The following GRM3 variants were observed in gnomAD, a reference collection of about 807,000 sequenced individuals.
GRM3 encodes glutamate metabotropic receptor 3.
In GRM3, 26 loss-of-function variants were observed where a neutral mutation model predicts 70.5. The ratio of observed to expected loss-of-function variants is 0.37; its 90% CI spans 0.27 to 0.51. The LOEUF is 0.51. GRM3 is among the 20% of genes least tolerant of loss of function. The pLI is 0.93. For synonymous variants in GRM3, 443 were observed against 434.9 expected (o/e 1.02, Z -0.23); for missense variants, 859 against 1,123.8 (o/e 0.76, Z 3.37).
chr7:86,810,384 G>C (rs1316662001), intron 3 of GRM3, among the ~76,000 whole-genome samples: 1 of 151,908 alleles, frequency 6.6e-6, no homozygotes, highest in East Asian at 1.9e-4. Flanking sequence ...CATTCTGCTA[G>C]AAATTCATGA....
chr7:86,652,042 T>C (rs940538152), intron 1 of GRM3, among the ~76,000 whole-genome samples: 2 of 152,186 alleles, frequency 1.3e-5, no homozygotes, highest in Non-Finnish European at 2.9e-5. Flanking sequence ...GTAGGTAGAA[T>C]GAACAATTAA....
chr7:86,716,208 T>C (rs996894007), intron 1 of GRM3, among the ~76,000 whole-genome samples: 3 of 151,906 alleles, frequency 2.0e-5, no homozygotes, highest in African/African-American at 7.2e-5. Flanking sequence ...GTCATCACAC[T>C]TGACCTTCTT....
chr7:86,723,855 T>C (rs1434984006), intron 1 of GRM3, among the ~76,000 whole-genome samples: 3 of 152,186 alleles, frequency 2.0e-5, no homozygotes, highest in African/African-American at 7.2e-5. Flanking sequence ...TACCAAGCTG[T>C]AGTAGTTTGT....
intron 4 of GRM3, among the ~76,000 whole-genome samples, chr7:86,849,810 G>A (rs1439739045): frequency 6.6e-6 from 1 of 152,058 alleles, no homozygotes; most frequent in African/African-American, 2.4e-5. Flanking sequence ...ATGCCAATAA[G>A]CAAAAGCAAA....
intron 3 of GRM3, among the ~76,000 whole-genome samples, chr7:86,821,198 A>G (rs191927302): frequency 6.6e-6 from 1 of 152,130 alleles, no homozygotes; most frequent in East Asian, 1.9e-4. Flanking sequence ...AAAGAGAAAG[A>G]TTATGTCATA....
chr7:86,861,214 T>A (rs959624790), intron 5 of GRM3, among the ~76,000 whole-genome samples: 1 of 152,232 alleles, frequency 6.6e-6, no homozygotes, highest in East Asian at 1.9e-4. Flanking sequence ...ATAGGCTTCA[T>A]GTTTGCTGGT....
chr7:86,798,762 C>A (rs1034873080), intron 3 of GRM3, among the ~76,000 whole-genome samples: 4 of 152,216 alleles, frequency 2.6e-5, no homozygotes, highest in Admixed American at 6.5e-5. Context: ...GCTGTGTTCT[C>A]ACCCAAATCT....
Position 86,644,441 on chromosome 7 carries a change from C to T in GRM3, c.-572C>T, listed in dbSNP as rs1793402519. On this transcript the variant is annotated 5_prime_UTR_variant, in exon 1 of 6. Coordinates refer to ENST00000361669, the MANE Select transcript of GRM3 (RefSeq NM_000840.3). ...TCAAGGTGAAGGAAAGTTGCTTCCG[C>T]GCCTAGGAAGTGGGTTTGCCTGATA... The T allele has an allele frequency of 6.0e-6, 2 of 335,520 alleles. No homozygotes were observed. Among genetic ancestry groups the T allele is most frequent in the Non-Finnish European group, 1.2e-5 (2 of 171,252 alleles). The allele number at this position is 335,520 out of a possible 1,614,324, so 20.8% of individuals were successfully genotyped here.
intron 1 of GRM3, among the ~76,000 whole-genome samples, chr7:86,746,553 A>G (rs1796110835): frequency 6.6e-6 from 1 of 151,402 alleles, no homozygotes; most frequent in Non-Finnish European, 1.5e-5. Context: ...TTATTCTACA[A>G]ATCAAAAAAC....
At chr7:86,797,083 G>A (rs1162956711) in intron 3 of GRM3, among the ~76,000 whole-genome samples, 1 of 152,120 alleles carries the variant, frequency 6.6e-6, no homozygotes, top group Non-Finnish European at 1.5e-5. Flanking sequence ...CCCAGTCTCA[G>A]GTATGTCTTT....
At chr7:86,690,997 A>G (rs1033905813) in intron 1 of GRM3, among the ~76,000 whole-genome samples, 1 of 152,170 alleles carries the variant, frequency 6.6e-6, no homozygotes, top group African/African-American at 2.4e-5. Context: ...TAAAATTAAC[A>G]TAGCCAAAAC....
At chr7:86,722,842 T>C (rs1795503994) in intron 1 of GRM3, among the ~76,000 whole-genome samples, 1 of 152,164 alleles carries the variant, frequency 6.6e-6, no homozygotes, top group Non-Finnish European at 1.5e-5. Context: ...ATTCCATCTA[T>C]TCGGTCCTTT....
rs181484665 is a variant in GRM3 at position 86,712,624 on chromosome 7, C to T, written c.-140-52382C>T. Among the ~76,000 whole-genome samples, 416 of 152,108 alleles carry T rather than the reference C, an allele frequency of 2.7e-3. 2 individuals carry two copies. The highest frequency in any genetic ancestry group is 0.017 in the Middle Eastern group (5 of 294). ...GTACATTTGTATCCATCATCAACCT[C>T]TCTGCATGGCCTTACCCCTCTACTC... On this transcript the variant is annotated intron_variant, in intron 1 of 5. Coordinates refer to ENST00000361669, the MANE Select transcript of GRM3 (RefSeq NM_000840.3).
intron 1 of GRM3, among the ~76,000 whole-genome samples, chr7:86,729,722 GA>G (rs530126183): frequency 1.1e-4 from 16 of 152,198 alleles, no homozygotes; most frequent in African/African-American, 3.1e-4. Context: ...AAATCACACA[GA>G]AAAAAAGTCC....
intron 5 of GRM3, among the ~76,000 whole-genome samples, chr7:86,857,002 T>C (rs1798862705): frequency 6.6e-6 from 1 of 152,156 alleles, no homozygotes; most frequent in Admixed American, 6.6e-5. Context: ...ACTAGAGTTA[T>C]AGATGAAACT....
intron 1 of GRM3, among the ~76,000 whole-genome samples, chr7:86,690,379 A>G (rs1794669440): frequency 6.6e-6 from 1 of 152,158 alleles, no homozygotes; most frequent in Non-Finnish European, 1.5e-5. Context: ...TGTTCTAAGA[A>G]GAGAACAGAC....
In GRM3 at chr7:86,644,994, C is replaced by T. The variant is rs1286293355; in HGVS notation, c.-141+122C>T. 7.2e-6 allele frequency: 3 copies of T among 417,576 alleles called. No homozygotes were observed. The East Asian group carries it at 2.1e-4, about 30-fold the overall frequency. 25.9% of individuals were successfully genotyped at this position (417,576 alleles called of 1,614,324 possible). A position where few individuals can be genotyped will look rare whatever the true frequency, so the allele number is the denominator to read the frequency against. ...GAGGTAGAGCATGGACCAGTCCCTA[C>T]AGTCCTGACTGGAGTGGGAAGGGTG... On this transcript the variant is annotated intron_variant, in intron 1 of 5. Coordinates refer to ENST00000361669, the MANE Select transcript of GRM3 (RefSeq NM_000840.3).
In GRM3 at chr7:86,746,197, G is replaced by C. The variant is rs1175066479; in HGVS notation, c.-140-18809G>C. 3.3e-5 allele frequency among the ~76,000 whole-genome samples: 5 copies of C among 151,102 alleles called. 1 individual carries two copies. Among genetic ancestry groups the C allele is most frequent in the African/African-American group, 1.2e-4 (5 of 41,148 alleles). ...TGGCTCTATAATCTTTATTTTGTGAGTACTTTGTTGATGTTCTGTTCTTAA... is the reference window on the plus strand; with the variant it reads ...TGGCTCTATAATCTTTATTTTGTGACTACTTTGTTGATGTTCTGTTCTTAA... On this transcript the variant is annotated intron_variant, in intron 1 of 5. Transcript: ENST00000361669.
At chr7:86,826,634 A>G (rs1798239896) in intron 3 of GRM3, among the ~76,000 whole-genome samples, 1 of 152,232 alleles carries the variant, frequency 6.6e-6, no homozygotes, top group East Asian at 1.9e-4. Flanking sequence ...TGACACCATA[A>G]GGAATTTATC....
Sources: gnomAD v4.1 joint callset for allele counts (sites outside exome capture counted in the v4.1 genomes callset) on GRCh38, gnomAD v4.1.1 for gene constraint, MANE v1.5 for transcripts, NCBI Gene and HGNC (gene_info 2026-07-23, HGNC 2026-07-21) for gene names.